UNC5C: variants seen among roughly 807,000 people sequenced by gnomAD.
The protein encoded by UNC5C is netrin receptor UNC5C.
A neutral mutation model predicts 99.8 loss-of-function variants in UNC5C; 47 were observed. The observed-to-expected ratio is 0.47, with a 90% CI of 0.37 to 0.60. The LOEUF (loss-of-function observed/expected upper bound fraction) is 0.60. UNC5C is among the 20% of genes least tolerant of loss of function. The probability of loss-of-function intolerance (pLI) is 0.00; values close to 1 mark genes in which losing one functional copy is unlikely to be tolerated. For missense variants in UNC5C, 1,062 were observed against 1,165.9 expected (o/e 0.91, Z 1.30); for synonymous variants, 487 against 452.2 (o/e 1.08, Z -0.98).
intron 1 of UNC5C, among the ~76,000 whole-genome samples, chr4:95,423,116 G>A (rs900617): frequency 0.065 from 9,931 of 152,202 alleles, 384 homozygotes; most frequent in South Asian, 0.11. Flanking sequence ...CCCTTGACAA[G>A]CCCCATTGCA....
chr4:95,531,860 T>A (rs2149493109), intron 1 of UNC5C, among the ~76,000 whole-genome samples: 1 of 152,350 alleles, frequency 6.6e-6, no homozygotes, highest in Non-Finnish European at 1.5e-5. Flanking sequence ...TAGGGTGATT[T>A]TTGGCACAAC....
chr4:95,225,444 G>A (rs1014453577), intron 7 of UNC5C, among the ~76,000 whole-genome samples: 2 of 152,068 alleles, frequency 1.3e-5, no homozygotes, highest in Non-Finnish European at 2.9e-5. Flanking sequence ...GGTTTCTATA[G>A]ATATGGATTG....
intron 1 of UNC5C, among the ~76,000 whole-genome samples, chr4:95,402,277 T>A (rs1373683774): frequency 6.6e-6 from 1 of 152,208 alleles, no homozygotes; most frequent in Non-Finnish European, 1.5e-5. Context: ...ATCATATTCA[T>A]CAGATGTACA....
intron 1 of UNC5C, among the ~76,000 whole-genome samples, chr4:95,461,934 T>C (rs1196426714): frequency 6.6e-6 from 1 of 152,218 alleles, no homozygotes; most frequent in African/African-American, 2.4e-5. Flanking sequence ...TTGATTTTCT[T>C]TTTTTATCTT....
At position 95,250,246 on chromosome 4, in the gene UNC5C, G is replaced by A. The variant is rs141222205; in HGVS notation, c.775+241C>T. The stretch of plus-strand genomic sequence containing the variant: ...AAAGGAGCTTCTAGAACCGGGCATG[G>A]TGGTACATGCCTGTAATACCAGCTA... On this transcript the variant is annotated intron_variant, in intron 5 of 15. Transcript: ENST00000453304. 7.2e-5 allele frequency among the ~76,000 whole-genome samples: 11 copies of A among 152,244 alleles called. No individual in the cohort carries two copies. In the East Asian group the frequency reaches 2.1e-3, roughly 29 times the overall value.
At chr4:95,402,804 T>C (rs550272854) in intron 1 of UNC5C, among the ~76,000 whole-genome samples, 2 of 152,326 alleles carry the variant, frequency 1.3e-5, no homozygotes, top group Non-Finnish European at 2.9e-5. Context: ...TTTTAAATCC[T>C]AGTTCCTTGG....
chr4:95,345,063 T>C (rs1462457845), intron 1 of UNC5C, among the ~76,000 whole-genome samples: 1 of 151,402 alleles, frequency 6.6e-6, no homozygotes, highest in Non-Finnish European at 1.5e-5. Flanking sequence ...GAATGGATTA[T>C]AAAACAAAAC....
At chr4:95,335,325 C>T in intron 2 of UNC5C, 85 bp downstream of exon 2, 1 of 1,242,312 alleles carries the variant, frequency 8.0e-7, no homozygotes, top group Non-Finnish European at 1.1e-6. Flanking sequence ...TTCCATTCCA[C>T]TAATTGAAAT....
chr4:95,172,336 A>T (rs1162376032), intron 14 of UNC5C, among the ~76,000 whole-genome samples: 6 of 150,608 alleles, frequency 4.0e-5, no homozygotes, highest in African/African-American at 7.3e-5. Context: ...CTGAATGGTA[A>T]TGCCTAGGTT....
In UNC5C at chr4:95,354,479, A is replaced by ATATATATATATTTTTT; in HGVS notation, c.125-18849_125-18848insAAAAAATATATATATA. 9.3e-3 allele frequency among the ~76,000 whole-genome samples: 1,021 copies of ATATATATATATTTTTT among 110,196 alleles called. 15 individuals carry two copies. The highest frequency in any genetic ancestry group is 0.014 in the Non-Finnish European group (771 of 55,630). 72.3% of individuals were successfully genotyped at this position (110,196 alleles called of 152,430 possible). A position where few individuals can be genotyped will look rare whatever the true frequency, so the allele number is the denominator to read the frequency against. ...TTACCTAACTCTTCCATATATATAT[A>ATATATATATATTTTTT]TTTTTTTTTTTTTTTTAAGAGACAG... On this transcript the variant is annotated intron_variant, in intron 1 of 15. Transcript: ENST00000453304.
rs148675140 is a variant in UNC5C, at chr4:95,318,266, G to A, written c.347-16517C>T. Among the ~76,000 whole-genome samples, 256 of 152,212 alleles carry A rather than the reference G, an allele frequency of 1.7e-3. 2 individuals carry two copies. Among genetic ancestry groups the A allele is most frequent in the African/African-American group, 5.8e-3 (242 of 41,532 alleles). On this transcript the variant is annotated intron_variant, in intron 2 of 15. Coordinates refer to ENST00000453304, the MANE Select transcript of UNC5C (RefSeq NM_003728.4). ...TGGAGGAGAAGGTGACGTGAAGATG[G>A]AGGCTGAGATCGCAGTGATGGAGCT...
At position 95,168,125 on chromosome 4, in the gene UNC5C, T is replaced by C. The variant is rs917833171; in HGVS notation, c.*1109A>G. ...GGGGCCACACAACGGCAATATTAAG[T>C]GAACTTAATAGAGAACACGTCTCCT... On this transcript the variant is annotated 3_prime_UTR_variant, in exon 16 of 16. Coordinates refer to ENST00000453304, the MANE Select transcript of UNC5C (RefSeq NM_003728.4). 3.9e-5 allele frequency: 6 copies of C among 152,130 alleles called. No individual in the cohort carries two copies. Among genetic ancestry groups the C allele is most frequent in the African/African-American group, 1.4e-4 (6 of 41,420 alleles). 9.4% of individuals were successfully genotyped at this position (152,130 alleles called of 1,614,324 possible).
intron 1 of UNC5C, among the ~76,000 whole-genome samples, chr4:95,373,836 A>T (rs1744814649): frequency 6.6e-6 from 1 of 152,206 alleles, no homozygotes; most frequent in African/African-American, 2.4e-5. Context: ...GCTTCAAAAT[A>T]AGAAAGCAGG....
intron 1 of UNC5C, among the ~76,000 whole-genome samples, chr4:95,399,989 T>A (rs141925654): frequency 5.3e-5 from 8 of 152,342 alleles, no homozygotes; most frequent in Non-Finnish European, 1.0e-4. Flanking sequence ...CACAGGAATA[T>A]ATCTTGAAAT....
chr4:95,181,821 C>T (rs997530527), intron 14 of UNC5C, among the ~76,000 whole-genome samples: 3 of 152,302 alleles, frequency 2.0e-5, no homozygotes, highest in Non-Finnish European at 4.4e-5. Flanking sequence ...TCTCCCCACT[C>T]GGTTTGCTAA....
chr4:95,474,145 T>C (rs1447076200), intron 1 of UNC5C, among the ~76,000 whole-genome samples: 1 of 152,114 alleles, frequency 6.6e-6, no homozygotes, highest in Non-Finnish European at 1.5e-5. Flanking sequence ...CCATTTTGTC[T>C]ATATTGCACA....
chr4:95,437,473 G>C (rs955862761), intron 1 of UNC5C, among the ~76,000 whole-genome samples: 13 of 151,888 alleles, frequency 8.6e-5, no homozygotes, highest in Admixed American at 7.9e-4. Context: ...TATTGTAAAA[G>C]GAACTTGTAG....
intron 4 of UNC5C, among the ~76,000 whole-genome samples, chr4:95,273,714 TTTTC>T (rs766392358): frequency 6.6e-6 from 1 of 152,150 alleles, no homozygotes; most frequent in Non-Finnish European, 1.5e-5. Flanking sequence ...TGGGATTTGT[TTTTC>T]TTTCTTTCAC....
intron 1 of UNC5C, among the ~76,000 whole-genome samples, chr4:95,536,040 G>T (rs1364127154): frequency 1.3e-5 from 2 of 149,182 alleles, no homozygotes; most frequent in Non-Finnish European, 3.0e-5. Flanking sequence ...CTAATGTGTT[G>T]GCAGTCCATA....
Sources: allele counts gnomAD v4.1 joint callset (sites outside exome capture counted in the v4.1 genomes callset), GRCh38; gene constraint gnomAD v4.1.1; transcripts MANE v1.5; gene names NCBI Gene and HGNC (gene_info 2026-07-23, HGNC 2026-07-21).